Variants in TRIM38 observed in about 807,000 individuals in gnomAD.
TRIM38 encodes tripartite motif containing 38, also known as E3 ubiquitin-protein ligase TRIM38.
TRIM38 carries 35 observed loss-of-function variants against 35.8 expected under a neutral mutation model. The ratio of observed to expected loss-of-function variants is 0.98; its 90% CI spans 0.75 to 1.30. TRIM38 has a LOEUF of 1.30. TRIM38 is among the 50% of genes most tolerant of loss of function. The probability of loss-of-function intolerance (pLI) is 0.00; values close to 1 mark genes in which losing one functional copy is unlikely to be tolerated. For synonymous variants in TRIM38, 198 were observed against 204.7 expected, an observed-to-expected ratio of 0.97 and a Z score of 0.28; for missense variants, 545 against 556.9, an observed-to-expected ratio of 0.98 and a Z score of 0.21.
chr6:25,971,865 C>G lies in TRIM38; in HGVS notation c.508-4C>G, dbSNP rs775423657. 1.9e-6 allele frequency: 3 copies of G among 1,612,892 alleles called. No individual in the cohort carries two copies. In the Admixed American group the frequency reaches 5.0e-5, roughly 27 times the overall value. On this transcript the variant is annotated splice_polypyrimidine_tract_variant and splice_region_variant and intron_variant, in intron 4 of 7. Transcript: ENST00000357085. ...ACCTTTTGACCATACTTTCTTGACT[C>G]CAGGAGAAGGTACAGATTCAGAGAC...
rs1491131148 is a variant in TRIM38 at position 25,987,213 on chromosome 6, G to GCCC, written c.*3527_*3529dup. ...TTAACAAAGGTACTCCCCGCCCCCC[G>GCCC]CCCGCCACACACCATCCCCAAAAGG... On this transcript the variant is annotated 3_prime_UTR_variant, in exon 8 of 8. Coordinates refer to ENST00000357085, the MANE Select transcript of TRIM38 (RefSeq NM_006355.5). The GCCC allele has an allele frequency of 2.7e-5, 2 of 73,304 alleles. No homozygotes were observed. Among genetic ancestry groups the GCCC allele is most frequent in the African/African-American group, 7.4e-5 (2 of 27,168 alleles). 4.5% of individuals were successfully genotyped at this position (73,304 alleles called of 1,614,324 possible).
Position 25,966,491 on chromosome 6 carries a change from AGAGCCAATATTG to A in TRIM38, c.-27_-16del. 12 of 1,554,442 alleles carry A rather than the reference AGAGCCAATATTG, an allele frequency of 7.7e-6. No individual in the cohort carries two copies. The highest frequency in any genetic ancestry group is 1.0e-5 in the Non-Finnish European group (12 of 1,151,900). The stretch of plus-strand genomic sequence containing the variant: ...TTCTGGCTGCTTCATCTCCATCTCT[AGAGCCAATATTG>A]GAGCTTTTCAATAAAAGCTATGGCC... On this transcript the variant is annotated 5_prime_UTR_variant, in exon 3 of 8. Coordinates refer to ENST00000357085, the MANE Select transcript of TRIM38 (RefSeq NM_006355.5).
Position 25,983,793 on chromosome 6 carries a change from T to C in TRIM38, c.*106T>C. Reference sequence around the variant, plus strand: ...TTCTTCGCTGTCATTTCCTTAGTAGTTAGACTAGTGCTGAGATTTTAGTGG... The same window carrying C: ...TTCTTCGCTGTCATTTCCTTAGTAGCTAGACTAGTGCTGAGATTTTAGTGG... On this transcript the variant is annotated 3_prime_UTR_variant, in exon 8 of 8. Coordinates refer to ENST00000357085, the MANE Select transcript of TRIM38 (RefSeq NM_006355.5). 2.8e-6 allele frequency: 3 copies of C among 1,069,514 alleles called. No homozygotes were observed. The highest frequency in any genetic ancestry group is 1.3e-6 in the Non-Finnish European group (1 of 755,260). The allele number at this position is 1,069,514 out of a possible 1,614,324, so 66.3% of individuals were successfully genotyped here. A position where few individuals can be genotyped will look rare whatever the true frequency, so the allele number is the denominator to read the frequency against.
chr6:25,987,531 C>T lies in TRIM38; in HGVS notation c.*3844C>T, dbSNP rs1215139975. On this transcript the variant is annotated 3_prime_UTR_variant, in exon 8 of 8. Coordinates refer to ENST00000357085, the MANE Select transcript of TRIM38 (RefSeq NM_006355.5). ...CCTAACTATCACCCAAAGAGCCCAC[C>T]TCCAAAGACCATCACATTGAATGTG... The T allele has an allele frequency of 6.6e-6, 1 of 152,142 alleles. No individual in the cohort carries two copies. Among genetic ancestry groups the T allele is most frequent in the Non-Finnish European group, 1.5e-5 (1 of 68,016 alleles). 9.4% of individuals were successfully genotyped at this position (152,142 alleles called of 1,614,324 possible). A position where few individuals can be genotyped will look rare whatever the true frequency, so the allele number is the denominator to read the frequency against.
At chr6:25,977,543 A>G (rs749667215) in intron 7 of TRIM38, among the ~76,000 whole-genome samples, 8 of 152,094 alleles carry the variant, frequency 5.3e-5, no homozygotes, top group Non-Finnish European at 8.8e-5. Context: ...GGTGGTGTGC[A>G]CTTGCAGTCC....
At chr6:25,965,833 A>C (rs1462880845) in intron 2 of TRIM38, among the ~76,000 whole-genome samples, 1 of 151,992 alleles carries the variant, frequency 6.6e-6, no homozygotes, top group East Asian at 1.9e-4. Context: ...AGGCAGGAGA[A>C]TCGCTTGAAC....
Position 25,971,998 on chromosome 6 carries a change from A to C in TRIM38, c.637A>C (p.Arg213=). The change falls in exon 5 of 8, where the codon AGG becomes CGG. Residue 213 remains arginine (R), a synonymous_variant. Coordinates refer to ENST00000357085, the MANE Select transcript of TRIM38 (RefSeq NM_006355.5). The part of the protein sequence containing the change: ...KEEQQTLSRL[R]DYEAGLGLKS... ...AGAACAACAGACTCTGAGTAGACTG[A>C]GGGACTATGAGGCTGGTCTGGGGCT... 1 of 1,614,146 alleles carries C rather than the reference A, an allele frequency of 6.2e-7. No individual in the cohort carries two copies. Among genetic ancestry groups the C allele is most frequent in the Non-Finnish European group, 8.5e-7 (1 of 1,180,022 alleles).
At chr6:25,967,357 G>T (rs755224786) in intron 3 of TRIM38, among the ~76,000 whole-genome samples, 7 of 152,022 alleles carry the variant, frequency 4.6e-5, no homozygotes, top group South Asian at 2.1e-4. Flanking sequence ...AAAAATGTCT[G>T]CCTGGAGGTC....
Position 25,966,842 on chromosome 6 carries a change from A to G in TRIM38, c.320A>G (p.Glu107Gly). 6.2e-7 allele frequency: 1 copy of G among 1,614,178 alleles called. No individual in the cohort carries two copies. ...CAGTTCCACCTGTTCTGCGAAGACG[A>G]GGGGCAGCTCATCTGCTGGCGCTGT... ...GEQFHLFCED[E>G]GQLICWRCER... is the part of the protein sequence containing the mutation. Residue 107 changes from glutamate (E) to glycine (G), a missense_variant, in exon 3 of 8, where the codon GAG becomes GGG. Glu to Gly is a moderately conservative substitution (Grantham distance 98, BLOSUM62 -2). Transcript: ENST00000357085.
rs1418509509 is a variant in TRIM38, at chr6:25,973,297, A to G, written c.874+12A>G. ...AAGGAGTCATCAAGGTATGTTCACT[A>G]AAGAATTCCTGAATACTGTGGATAG... On this transcript the variant is annotated intron_variant, in intron 7 of 7. Transcript: ENST00000357085. 2 of 1,612,256 alleles carry G rather than the reference A, an allele frequency of 1.2e-6. No individual in the cohort carries two copies. The highest frequency in any genetic ancestry group is 1.7e-6 in the Non-Finnish European group (2 of 1,179,444).
chr6:25,969,330 G>C lies in TRIM38; in HGVS notation c.417G>C (p.Lys139Asn). The C allele has an allele frequency of 3.1e-6, 5 of 1,612,118 alleles. No homozygotes were observed. The highest frequency in any genetic ancestry group is 2.2e-5 in the South Asian group (2 of 90,476). ...VEDVCQGYKE[K>N]LQKAVTKLKQ... ...TTATCAAATTTTTCCTTCAGGAAAAGCTCCAGAAAGCTGTGACAAAACTGA... is the reference window on the plus strand; with the variant it reads ...TTATCAAATTTTTCCTTCAGGAAAACCTCCAGAAAGCTGTGACAAAACTGA... Residue 139 changes from lysine to asparagine, a missense_variant, in exon 4 of 8, where the codon AAG becomes AAC. Transcript: ENST00000357085.
intron 7 of TRIM38, among the ~76,000 whole-genome samples, chr6:25,979,783 G>T (rs1760495644): frequency 2.0e-5 from 3 of 150,972 alleles, no homozygotes; most frequent in African/African-American, 7.3e-5. Context: ...TAGATGCTTG[G>T]CTCATTAATG....
chr6:25,974,790 C>T lies in TRIM38; in HGVS notation c.874+1505C>T, dbSNP rs532985287. On this transcript the variant is annotated intron_variant, in intron 7 of 7. Coordinates refer to ENST00000357085, the MANE Select transcript of TRIM38 (RefSeq NM_006355.5). ...TTCTAAACTAATTTGAATGGCAAAG[C>T]CCATTTTGTTCCAGGGATTTCAGAA... 8 of 726,158 alleles carry T rather than the reference C, an allele frequency of 1.1e-5. No individual in the cohort carries two copies. In the South Asian group the frequency reaches 5.0e-4, roughly 45 times the overall value. The allele number at this position is 726,158 out of a possible 1,614,324, so 45.0% of individuals were successfully genotyped here.
chr6:25,967,303 T>C (rs556794379), intron 3 of TRIM38, among the ~76,000 whole-genome samples: 1 of 152,250 alleles, frequency 6.6e-6, no homozygotes, highest in South Asian at 2.1e-4. Context: ...GAAAGACCCA[T>C]CACCTTTTAG....
chr6:25,983,072 G>A, intron 7 of TRIM38, 92 bp from the exon 8 acceptor site: 6 of 1,310,016 alleles, frequency 4.6e-6, no homozygotes, highest in Non-Finnish European at 6.2e-6. Flanking sequence ...CTGGGTGACA[G>A]CAACACTCCA....
intron 5 of TRIM38, among the ~76,000 whole-genome samples, chr6:25,972,586 A>G (rs112784599): frequency 1.1e-4 from 17 of 152,332 alleles, no homozygotes; most frequent in African/African-American, 3.8e-4. Flanking sequence ...AGTGTATAGC[A>G]TGATTGCTTT....
At chr6:25,963,685 T>C (rs886929165) in intron 2 of TRIM38, among the ~76,000 whole-genome samples, 1 of 152,186 alleles carries the variant, frequency 6.6e-6, no homozygotes, top group Non-Finnish European at 1.5e-5. Context: ...TCTGCAGCCT[T>C]CTTTCCAATT....
At chr6:25,966,955 C>T (rs771717359) in intron 3 of TRIM38, 22 bp downstream of exon 3, 1 of 1,577,876 alleles carries the variant, frequency 6.3e-7, no homozygotes, top group Non-Finnish European at 8.6e-7. Flanking sequence ...GGCCCGGGAG[C>T]TTTGGTAAGT....
In TRIM38 at chr6:25,983,671, C is replaced by T; in HGVS notation, c.1382C>T (p.Pro461Leu). The T allele has an allele frequency of 6.3e-7, 1 of 1,590,592 alleles. No homozygotes were observed. The change falls in exon 8 of 8, where the codon CCT (proline) becomes CTT (leucine). Residue 461 changes from proline to leucine, a missense_variant. Coordinates refer to ENST00000357085, the MANE Select transcript of TRIM38 (RefSeq NM_006355.5). Reference sequence around the variant, plus strand: ...TATCAATATTCTCCTTTGTTTCTGCCTCCCCCAGGTGACTAAGGAAAAGAG... The same window carrying T: ...TATCAATATTCTCCTTTGTTTCTGCTTCCCCCAGGTGACTAAGGAAAAGAG... The part of the protein sequence containing the change: ...QVYQYSPLFL[P>L]PPGD
Sources: gnomAD v4.1 joint callset for allele counts (sites outside exome capture counted in the v4.1 genomes callset) on GRCh38, gnomAD v4.1.1 for gene constraint, MANE v1.5 for transcripts, NCBI Gene and HGNC (gene_info 2026-07-23, HGNC 2026-07-21) for gene names.